The following RIPOR2 variants were observed in gnomAD, a reference collection of about 807,000 sequenced individuals.
RIPOR2 encodes RHO family interacting cell polarization regulator 2, also known as rho family-interacting cell polarization regulator 2.
In RIPOR2, 39 loss-of-function variants were observed where a neutral mutation model predicts 114.5. That is an observed-to-expected ratio of 0.34 (90% CI 0.26 to 0.44). RIPOR2 has a LOEUF of 0.44. Ranked by LOEUF, RIPOR2 falls within the 20% of genes least tolerant of loss-of-function variation. RIPOR2 has a pLI of 1.00. For synonymous variants in RIPOR2, 445 were observed against 484.4 expected (o/e 0.92, Z 1.07); for missense variants, 1,007 against 1,255.1 (o/e 0.80, Z 2.99).
intron 1 of RIPOR2, among the ~76,000 whole-genome samples, chr6:24,892,060 T>C (rs537598753): frequency 1.4e-3 from 215 of 152,312 alleles, no homozygotes; most frequent in African/African-American, 4.9e-3. Flanking sequence ...GGTTTCACTA[T>C]GTTGGCCAGG....
intron 7 of RIPOR2, among the ~76,000 whole-genome samples, chr6:24,862,795 A>AC (rs60735104): frequency 0.42 from 59,926 of 144,396 alleles, 12,290 homozygotes; most frequent in Middle Eastern, 0.49. Context: ...TCCTCCCCCG[A>AC]CCACTGGCAC....
chr6:24,913,007 G>A (rs1416165189), intron 1 of RIPOR2, among the ~76,000 whole-genome samples: 1 of 152,196 alleles, frequency 6.6e-6, no homozygotes, highest in Non-Finnish European at 1.5e-5. Context: ...TGATCACAAA[G>A]ATGAAGCTAG....
intron 1 of RIPOR2, among the ~76,000 whole-genome samples, chr6:24,901,514 T>A (rs1434519967): frequency 2.0e-5 from 3 of 152,334 alleles, no homozygotes; most frequent in South Asian, 4.1e-4. Context: ...AAGACCATTA[T>A]GACAAAATTC....
intron 1 of RIPOR2, among the ~76,000 whole-genome samples, chr6:24,996,648 C>G (rs1423773745): frequency 6.6e-6 from 1 of 152,234 alleles, no homozygotes; most frequent in African/African-American, 2.4e-5. Context: ...CCAATCAACA[C>G]TGTTTACTTT....
At chr6:24,842,780 A>C in intron 13 of RIPOR2, 82 bp downstream of exon 13, 1 of 776,190 alleles carries the variant, frequency 1.3e-6, no homozygotes, top group Non-Finnish European at 1.8e-6. Flanking sequence ...TTTTTTTTTA[A>C]ATGATACCTC....
intron 2 of RIPOR2, among the ~76,000 whole-genome samples, chr6:24,874,518 T>G (rs1445196419): frequency 6.6e-6 from 1 of 152,210 alleles, no homozygotes; most frequent in Non-Finnish European, 1.5e-5. Flanking sequence ...TTAGATTTGT[T>G]AACTGCTGAA....
intron 10 of RIPOR2, 32 bp from the exon 11 acceptor site, chr6:24,849,982 A>C (rs775286242): frequency 2.5e-6 from 4 of 1,591,582 alleles, no homozygotes; most frequent in Non-Finnish European, 3.4e-6. Context: ...AATAGGCCTT[A>C]CATCACAGCA....
At chr6:25,032,188 T>C (rs1024036937) in intron 1 of RIPOR2, among the ~76,000 whole-genome samples, 4 of 130,424 alleles carry the variant, frequency 3.1e-5, no homozygotes, top group East Asian at 2.4e-4. Flanking sequence ...CTTTATGGTG[T>C]TTTTTTTTTT....
intron 1 of RIPOR2, among the ~76,000 whole-genome samples, chr6:24,932,393 G>A (rs1771469189): frequency 6.6e-6 from 1 of 151,964 alleles, no homozygotes; most frequent in Non-Finnish European, 1.5e-5. Context: ...GACAGAGAGA[G>A]AACAGACATT....
intron 1 of RIPOR2, among the ~76,000 whole-genome samples, chr6:24,930,601 A>G (rs1308054801): frequency 6.6e-6 from 1 of 152,200 alleles, no homozygotes; most frequent in Non-Finnish European, 1.5e-5. Flanking sequence ...CTAGACATCT[A>G]TGGGAAGAGA....
chr6:24,833,998 C>G (rs1245376031), intron 15 of RIPOR2, among the ~76,000 whole-genome samples: 2 of 151,986 alleles, frequency 1.3e-5, no homozygotes, highest in Admixed American at 6.5e-5. Context: ...GTATCAGGCT[C>G]AGCAAGGACA....
intron 19 of RIPOR2, among the ~76,000 whole-genome samples, chr6:24,821,057 C>T (rs979694422): frequency 4.0e-5 from 6 of 151,326 alleles, no homozygotes; most frequent in African/African-American, 7.3e-5. Flanking sequence ...ATTTTTAGTA[C>T]GGATGGGGTT....
chr6:24,858,189 GTC>G lies in RIPOR2; in HGVS notation c.715+2782_715+2783del, dbSNP rs1298093200. ...TGAATGAGAATGCACAGCCTCATAT[GTC>G]TGTTTTCTCTGGTAGACCATGTGGA... On this transcript the variant is annotated intron_variant, in intron 8 of 21. Transcript: ENST00000643898. The surrounding 1 kb of genome is among the most constrained non-coding windows in gnomAD (Gnocchi z 4.0). Among the ~76,000 whole-genome samples, 2 of 152,174 alleles carry G rather than the reference GTC, an allele frequency of 1.3e-5. No homozygotes were observed. Among genetic ancestry groups the G allele is most frequent in the Non-Finnish European group, 2.9e-5 (2 of 68,036 alleles).
chr6:24,806,235 G>C lies in RIPOR2; in HGVS notation c.*138C>G, dbSNP rs868764030. 5.8e-6 allele frequency: 4 copies of C among 684,344 alleles called. No homozygotes were observed. The highest frequency in any genetic ancestry group is 1.8e-5 in the African/African-American group (1 of 54,916). 42.4% of individuals were successfully genotyped at this position (684,344 alleles called of 1,614,324 possible). A position where few individuals can be genotyped will look rare whatever the true frequency, so the allele number is the denominator to read the frequency against. On this transcript the variant is annotated 3_prime_UTR_variant, in exon 22 of 22. Transcript: ENST00000643898. ...CCCAAAGTACTGGGATTACAGGCAT[G>C]AGCCACTGCACCTGGCCTACATTTT...
intron 1 of RIPOR2, among the ~76,000 whole-genome samples, chr6:25,010,437 G>A (rs367608871): frequency 5.9e-5 from 9 of 152,318 alleles, no homozygotes; most frequent in East Asian, 3.9e-4. Context: ...GCGAGGCTTC[G>A]TGTACAGCCT....
intron 1 of RIPOR2, among the ~76,000 whole-genome samples, chr6:24,967,008 G>A (rs1773557289): frequency 6.6e-6 from 1 of 152,180 alleles, no homozygotes; most frequent in South Asian, 2.1e-4. Flanking sequence ...CCTGGAGGCA[G>A]TGCGGACACG....
intron 13 of RIPOR2, chr6:24,839,493 G>A (rs190420210): frequency 6.7e-4 from 944 of 1,410,434 alleles, no homozygotes; most frequent in Non-Finnish European, 8.6e-4. Context: ...AGAATCCAGA[G>A]GGAAGTCAGC....
intron 1 of RIPOR2, chr6:24,910,649 T>C (rs894100312): frequency 9.1e-6 from 2 of 219,836 alleles, no homozygotes; most frequent in Non-Finnish European, 1.5e-5. Context: ...CCCTGTGGGC[T>C]TCAGATGCCC....
At chr6:24,867,776 A>G (rs1432730933) in intron 6 of RIPOR2, among the ~76,000 whole-genome samples, 2 of 152,240 alleles carry the variant, frequency 1.3e-5, no homozygotes, top group East Asian at 1.9e-4. Context: ...GTAGGCAAGC[A>G]TTTATCTTAC....
Sources: gnomAD v4.1 joint callset for allele counts (sites outside exome capture counted in the v4.1 genomes callset) on GRCh38, gnomAD v4.1.1 for gene constraint, Gnocchi (gnomAD v3.1) non-coding constraint, MANE v1.5 for transcripts, NCBI Gene and HGNC (gene_info 2026-07-23, HGNC 2026-07-21) for gene names.